ZNF704: variants seen among roughly 807,000 people sequenced by gnomAD.
ZNF704 encodes the protein glucocorticoid induced gene 1.
Under a neutral mutation model 44.7 loss-of-function variants are expected in ZNF704, and 10 were observed. The observed-to-expected ratio is 0.22, with a 90% CI of 0.14 to 0.38. ZNF704 has a LOEUF of 0.38. Among genes scored for constraint, ZNF704 ranks in the 10% least tolerant of loss-of-function variants. The pLI is 1.00. For missense variants in ZNF704, 390 were observed against 545.5 expected (o/e 0.71, Z 2.84); for synonymous variants, 211 against 207.6 (o/e 1.02, Z -0.14).
At chr8:80,686,100 G>A (rs1015231502) in intron 4 of ZNF704, among the ~76,000 whole-genome samples, 5 of 152,108 alleles carry the variant, frequency 3.3e-5, no homozygotes, top group Admixed American at 1.3e-4. Context: ...AAATGTTTTC[G>A]AAAAATTATG....
intron 2 of ZNF704, among the ~76,000 whole-genome samples, chr8:80,798,121 A>C (rs1228058553): frequency 6.6e-6 from 1 of 152,048 alleles, no homozygotes; most frequent in Non-Finnish European, 1.5e-5. Flanking sequence ...TAAGTTCTAC[A>C]TTCCATAATA....
chr8:80,832,793 T>A (rs1408902410), intron 1 of ZNF704, among the ~76,000 whole-genome samples: 1 of 152,094 alleles, frequency 6.6e-6, no homozygotes, highest in African/African-American at 2.4e-5. Flanking sequence ...GCCCTTCCAC[T>A]CACCAGGAAA....
intron 2 of ZNF704, among the ~76,000 whole-genome samples, chr8:80,791,444 G>C (rs1222305284): frequency 6.6e-6 from 1 of 152,184 alleles, no homozygotes; most frequent in African/African-American, 2.4e-5. Context: ...TCAGACCAGT[G>C]GGCAGTCCCA....
chr8:80,846,583 GCT>G (rs536154557), intron 1 of ZNF704, among the ~76,000 whole-genome samples: 1 of 152,126 alleles, frequency 6.6e-6, no homozygotes, highest in Non-Finnish European at 1.5e-5. Context: ...CATTGTCAAA[GCT>G]CTCAAAGAAG....
At position 80,821,279 on chromosome 8, in the gene ZNF704, T is replaced by C. The variant is rs1586051630; in HGVS notation, c.221+95A>G. 30 of 1,290,060 alleles carry C rather than the reference T, an allele frequency of 2.3e-5. No individual in the cohort carries two copies. In the East Asian group the frequency reaches 6.9e-4, roughly 30 times the overall value. 79.9% of individuals were successfully genotyped at this position (1,290,060 alleles called of 1,614,324 possible). On this transcript the variant is annotated intron_variant, in intron 2 of 8. Transcript: ENST00000327835. ...CTTGGCAGAAAACCTTTCATATGTCTATATACTGAAGAGAGTCTGTACACT... is the reference window on the plus strand; with the variant it reads ...CTTGGCAGAAAACCTTTCATATGTCCATATACTGAAGAGAGTCTGTACACT...
At chr8:80,797,311 T>C (rs1450776232) in intron 2 of ZNF704, among the ~76,000 whole-genome samples, 1 of 152,164 alleles carries the variant, frequency 6.6e-6, no homozygotes, top group Non-Finnish European at 1.5e-5. Context: ...AGGAACTCTA[T>C]GGCAAGATGG....
chr8:80,646,474 CA>C (rs59704641), intron 7 of ZNF704, among the ~76,000 whole-genome samples: 4,626 of 98,522 alleles, frequency 0.047, 84 homozygotes, highest in South Asian at 0.1. Context: ...AGACACATCT[CA>C]AAAAAAAAAA....
chr8:80,805,653 A>G (rs1807977652), intron 2 of ZNF704, among the ~76,000 whole-genome samples: 1 of 152,190 alleles, frequency 6.6e-6, no homozygotes, highest in Non-Finnish European at 1.5e-5. Flanking sequence ...TCCAAAAGGC[A>G]CAGGAATAAG....
intron 2 of ZNF704, among the ~76,000 whole-genome samples, chr8:80,703,371 T>C (rs887077869): frequency 2.0e-5 from 3 of 152,142 alleles, no homozygotes; most frequent in Non-Finnish European, 4.4e-5. Context: ...TGCTGTGCTG[T>C]TGTTAGACTG....
At chr8:80,747,714 T>A (rs1806869457) in intron 2 of ZNF704, among the ~76,000 whole-genome samples, 1 of 152,136 alleles carries the variant, frequency 6.6e-6, no homozygotes, top group Non-Finnish European at 1.5e-5. Context: ...AAAAAATGGT[T>A]TTTTTGTTTG....
chr8:80,676,937 G>A (rs1018157254), intron 4 of ZNF704, among the ~76,000 whole-genome samples: 17 of 152,228 alleles, frequency 1.1e-4, no homozygotes, highest in Non-Finnish European at 2.2e-4. Flanking sequence ...GTTCCTAACC[G>A]GCTGTGTGCG....
intron 2 of ZNF704, among the ~76,000 whole-genome samples, chr8:80,779,033 C>T (rs1354439395): frequency 6.6e-6 from 1 of 152,038 alleles, no homozygotes; most frequent in African/African-American, 2.4e-5. Context: ...AAGGGATCAC[C>T]CATTACATTA....
Position 80,687,417 on chromosome 8 carries a change from A to T in ZNF704, c.367T>A (p.Ser123Thr). The T allele has an allele frequency of 6.3e-7, 1 of 1,597,318 alleles. No individual in the cohort carries two copies. Among genetic ancestry groups the T allele is most frequent in the Non-Finnish European group, 8.5e-7 (1 of 1,173,908 alleles). ...GSWKEGGCVP[S>T]STSSSGYWSW... ...CAGTAGCCGCTGCTGCTGGTGCTGG[A>T]AGGCACGCAGCCGCCCTCCTTCCAG... Residue 123 changes from serine (S) to threonine (T), a missense_variant, in exon 4 of 9, where the codon TCC becomes ACC. Ser to Thr is a moderately conservative substitution (Grantham distance 58). Coordinates refer to ENST00000327835, the MANE Select transcript of ZNF704 (RefSeq NM_001033723.3).
intron 8 of ZNF704, among the ~76,000 whole-genome samples, chr8:80,642,145 A>C (rs1817753354): frequency 6.6e-6 from 1 of 152,224 alleles, no homozygotes; most frequent in East Asian, 1.9e-4. Context: ...TGGATGCCTC[A>C]AACTGCAAAT....
At chr8:80,762,370 C>T (rs1004636472) in intron 2 of ZNF704, among the ~76,000 whole-genome samples, 50 of 152,160 alleles carry the variant, frequency 3.3e-4, no homozygotes, top group African/African-American at 1.1e-3. Context: ...GGGGAGGCCT[C>T]AGCAAACTTA....
chr8:80,679,659 G>T (rs1427542204), intron 4 of ZNF704, among the ~76,000 whole-genome samples: 1 of 152,184 alleles, frequency 6.6e-6, no homozygotes. Flanking sequence ...TAACAGAATG[G>T]TCTTCTTCAT....
intron 2 of ZNF704, among the ~76,000 whole-genome samples, chr8:80,785,490 T>G (rs1210092671): frequency 6.6e-6 from 1 of 152,228 alleles, no homozygotes; most frequent in Non-Finnish European, 1.5e-5. Context: ...GGGATTCTTC[T>G]GCAAGGTGAC....
intron 2 of ZNF704, among the ~76,000 whole-genome samples, chr8:80,810,792 A>C (rs1808068374): frequency 6.6e-6 from 1 of 152,256 alleles, no homozygotes; most frequent in South Asian, 2.1e-4. Flanking sequence ...TTCAGGGGAC[A>C]TACAGGAATC....
chr8:80,742,609 C>G (rs1806779208), intron 2 of ZNF704, among the ~76,000 whole-genome samples: 1 of 152,124 alleles, frequency 6.6e-6, no homozygotes, highest in South Asian at 2.1e-4. Flanking sequence ...TTAAGTTTGT[C>G]TCTTCCAGAA....
Sources: gnomAD v4.1 joint callset for allele counts (sites outside exome capture counted in the v4.1 genomes callset) on GRCh38, gnomAD v4.1.1 for gene constraint, MANE v1.5 for transcripts, NCBI Gene and HGNC (gene_info 2026-07-23, HGNC 2026-07-21) for gene names.